Variants in PTPRD observed in about 807,000 individuals in gnomAD.
PTPRD encodes receptor-type tyrosine-protein phosphatase delta.
Under a neutral mutation model 214.5 loss-of-function variants are expected in PTPRD, and 34 were observed. That is an observed-to-expected ratio of 0.16 (90% CI 0.12 to 0.21). The LOEUF is 0.21. PTPRD is among the 10% of genes least tolerant of loss of function. The probability of loss-of-function intolerance (pLI) is 1.00; values close to 1 mark genes in which losing one functional copy is unlikely to be tolerated. For synonymous variants in PTPRD, 1,128 were observed against 845.7 expected (o/e 1.33, Z -5.79); for missense variants, 2,545 against 2,398.7 (o/e 1.06, Z -1.27).
chr9:9,059,008 C>T (rs961329015), intron 10 of PTPRD, among the ~76,000 whole-genome samples: 1 of 151,880 alleles, frequency 6.6e-6, no homozygotes, highest in Non-Finnish European at 1.5e-5. Flanking sequence ...TTTAATCTGC[C>T]CAGTAGAACA....
intron 3 of PTPRD, among the ~76,000 whole-genome samples, chr9:10,150,610 T>C (rs2099054441): frequency 6.6e-6 from 1 of 150,876 alleles, no homozygotes; most frequent in Non-Finnish European, 1.5e-5. Context: ...TATACATATG[T>C]AACAAACCTG....
At chr9:10,220,049 T>A (rs1431659300) in intron 3 of PTPRD, among the ~76,000 whole-genome samples, 1 of 151,816 alleles carries the variant, frequency 6.6e-6, no homozygotes, top group African/African-American at 2.4e-5. Context: ...GAATAACTGG[T>A]TGGAAAATAA....
intron 9 of PTPRD, among the ~76,000 whole-genome samples, chr9:9,319,072 T>A (rs1018548687): frequency 1.3e-5 from 2 of 152,212 alleles, no homozygotes; most frequent in Non-Finnish European, 1.5e-5. Context: ...TGCAATAGGC[T>A]TGACGAAAAG....
At chr9:9,364,499 G>T (rs554877672) in intron 9 of PTPRD, among the ~76,000 whole-genome samples, 1 of 151,548 alleles carries the variant, frequency 6.6e-6, no homozygotes, top group East Asian at 2.0e-4. Flanking sequence ...TGAGCAAATT[G>T]TTGAATGGTA....
At chr9:9,394,802 G>A (rs1294558085) in intron 9 of PTPRD, among the ~76,000 whole-genome samples, 1 of 151,968 alleles carries the variant, frequency 6.6e-6, no homozygotes, top group Non-Finnish European at 1.5e-5. Flanking sequence ...TGGCTTCCAA[G>A]CTCCATTTTT....
At chr9:8,752,620 C>G (rs1392587131) in intron 11 of PTPRD, among the ~76,000 whole-genome samples, 1 of 152,124 alleles carries the variant, frequency 6.6e-6, no homozygotes, top group Admixed American at 6.5e-5. Context: ...GATCGGGACC[C>G]CTTTCCTGTA....
chr9:8,746,645 T>C (rs1286943868), intron 11 of PTPRD, among the ~76,000 whole-genome samples: 5 of 152,180 alleles, frequency 3.3e-5, no homozygotes, highest in Admixed American at 2.6e-4. Flanking sequence ...TTATCTTAAA[T>C]GAACAGCCCA....
intron 10 of PTPRD, among the ~76,000 whole-genome samples, chr9:9,083,339 T>C (rs1267699899): frequency 6.6e-6 from 1 of 152,156 alleles, no homozygotes; most frequent in Non-Finnish European, 1.5e-5. Context: ...TTGGGAAAAC[T>C]GTCTAGCTAT....
chr9:8,887,868 A>G (rs1331865413), intron 11 of PTPRD, among the ~76,000 whole-genome samples: 1 of 152,230 alleles, frequency 6.6e-6, no homozygotes, highest in African/African-American at 2.4e-5. Context: ...ATGCAAACAC[A>G]TCAGCGCTTT....
chr9:9,944,767 A>C (rs974591922), intron 4 of PTPRD, among the ~76,000 whole-genome samples: 4 of 152,092 alleles, frequency 2.6e-5, no homozygotes, highest in Non-Finnish European at 5.9e-5. Context: ...ATGAGGAGAC[A>C]CATAATCTAA....
intron 5 of PTPRD, among the ~76,000 whole-genome samples, chr9:9,885,923 G>A (rs2153749530): frequency 6.6e-6 from 1 of 151,794 alleles, no homozygotes; most frequent in South Asian, 2.1e-4. Flanking sequence ...AGAGATCTGT[G>A]AGTGTAGATT....
intron 11 of PTPRD, among the ~76,000 whole-genome samples, chr9:8,992,243 C>A (rs1191847879): frequency 6.6e-6 from 1 of 152,110 alleles, no homozygotes; most frequent in Admixed American, 6.6e-5. Flanking sequence ...AAGAGTGACA[C>A]CCCAAATTGA....
Position 8,708,663 on chromosome 9 carries a change from G to C in PTPRD, c.64+25117C>G, listed in dbSNP as rs568318206. ...CAGTGCACTCCAGCCTGGGTGACAA[G>C]AGCGAGACTCTGTCTCAAAAAAAAA... On this transcript the variant is annotated intron_variant, in intron 12 of 45. Transcript: ENST00000381196. Among the ~76,000 whole-genome samples, 16 of 117,668 alleles carry C rather than the reference G, an allele frequency of 1.4e-4. No individual in the cohort carries two copies. In the South Asian group the frequency reaches 5.0e-3, roughly 37 times the overall value. The allele number at this position is 117,668 out of a possible 152,430, so 77.2% of individuals were successfully genotyped here.
intron 10 of PTPRD, among the ~76,000 whole-genome samples, chr9:9,115,502 A>T (rs2099811553): frequency 6.6e-6 from 1 of 152,186 alleles, no homozygotes. Context: ...GAATGAAGTG[A>T]AAAGGCAATG....
In PTPRD at chr9:8,894,866, T is replaced by C. The variant is rs184975275; in HGVS notation, c.-104+123831A>G. 2.5e-3 allele frequency among the ~76,000 whole-genome samples: 384 copies of C among 152,122 alleles called. 1 individual carries two copies. Among genetic ancestry groups the C allele is most frequent in the African/African-American group, 8.8e-3 (365 of 41,428 alleles). ...CACAGGAACCAACTTAAATTAAGAA[T>C]TACAAATAGTAGATGGCACCAATCA... On this transcript the variant is annotated intron_variant, in intron 11 of 45. Coordinates refer to ENST00000381196, the MANE Select transcript of PTPRD (RefSeq NM_002839.4).
chr9:9,393,981 C>T (rs1057296455), intron 9 of PTPRD, among the ~76,000 whole-genome samples: 12 of 152,056 alleles, frequency 7.9e-5, no homozygotes, highest in African/African-American at 2.9e-4. Context: ...TTCATGATGC[C>T]CTTAGTGTCT....
At position 8,440,014 on chromosome 9, in the gene PTPRD, C is replaced by G. The variant is rs560080052; in HGVS notation, c.3989-3325G>C. Reference sequence around the variant, plus strand: ...TAATTCAGGTCTGTGGATGTGGGAGCTATATATTGATATTTTTAAAGTTCC... The same window carrying G: ...TAATTCAGGTCTGTGGATGTGGGAGGTATATATTGATATTTTTAAAGTTCC... On this transcript the variant is annotated intron_variant, in intron 34 of 45. Transcript: ENST00000381196. Among the ~76,000 whole-genome samples the G allele has an allele frequency of 3.2e-5, 4 of 125,710 alleles. 1 individual carries two copies. In the South Asian group the frequency reaches 1.0e-3, roughly 33 times the overall value. The allele number at this position is 125,710 out of a possible 152,430, so 82.5% of individuals were successfully genotyped here.
At chr9:10,550,222 C>T (rs895690254) in intron 2 of PTPRD, among the ~76,000 whole-genome samples, 2 of 152,168 alleles carry the variant, frequency 1.3e-5, no homozygotes, top group Non-Finnish European at 2.9e-5. Flanking sequence ...TCCACAAGTC[C>T]CCTTTGCTAA....
At chr9:9,827,537 C>A (rs939418002) in intron 5 of PTPRD, among the ~76,000 whole-genome samples, 1 of 152,082 alleles carries the variant, frequency 6.6e-6, no homozygotes, top group African/African-American at 2.4e-5. Context: ...AATGTTAGAC[C>A]TAAAACCGTA....
Sources: allele counts gnomAD v4.1 joint callset (sites outside exome capture counted in the v4.1 genomes callset), GRCh38; gene constraint gnomAD v4.1.1; transcripts MANE v1.5; gene names NCBI Gene and HGNC (gene_info 2026-07-23, HGNC 2026-07-21).